The following DGKB variants were observed in gnomAD, a reference collection of about 807,000 sequenced individuals.
DGKB encodes the protein diacylglycerol kinase beta, also known as 90 kDa diacylglycerol kinase.
Under a neutral mutation model 114.3 loss-of-function variants are expected in DGKB, and 67 were observed. That is an observed-to-expected ratio of 0.59 (90% CI 0.48 to 0.72). The LOEUF (loss-of-function observed/expected upper bound fraction) is 0.72, where lower values mean the gene tolerates loss of function less well. DGKB is among the 30% of genes least tolerant of loss of function. DGKB has a pLI of 0.00. For synonymous variants in DGKB, 398 were observed against 323.1 expected, an observed-to-expected ratio of 1.23 and a Z score of -2.49; for missense variants, 907 against 975.2, an observed-to-expected ratio of 0.93 and a Z score of 0.93.
At chr7:14,435,644 G>A (rs553960780) in intron 21 of DGKB, among the ~76,000 whole-genome samples, 1 of 152,098 alleles carries the variant, frequency 6.6e-6, no homozygotes, top group South Asian at 2.1e-4. Flanking sequence ...TCAATGCCAT[G>A]TTATCTTTGA....
Position 14,695,326 on chromosome 7 carries a change from G to A in DGKB, c.592-1132C>T, listed in dbSNP as rs74632201. Among the ~76,000 whole-genome samples, 4 of 152,010 alleles carry A rather than the reference G, an allele frequency of 2.6e-5. No homozygotes were observed. In the East Asian group the frequency reaches 5.8e-4, roughly 22 times the overall value. ...CCTTTTTGTACCTAATAAATCTCAT[G>A]TTAAAGCCATCCTCTGACCGTGTCT... On this transcript the variant is annotated intron_variant, in intron 8 of 25. Transcript: ENST00000402815.
chr7:14,531,306 C>A (rs1791547310), intron 20 of DGKB, among the ~76,000 whole-genome samples: 1 of 151,230 alleles, frequency 6.6e-6, no homozygotes, highest in Admixed American at 6.6e-5. Context: ...TAGAATATTC[C>A]AATTTTAGAG....
chr7:14,839,252 T>C (rs927484271), intron 2 of DGKB, among the ~76,000 whole-genome samples: 3 of 152,062 alleles, frequency 2.0e-5, no homozygotes, highest in Middle Eastern at 3.2e-3. Context: ...TACTTAATGA[T>C]TGGATTACCA....
At chr7:14,580,816 G>C (rs745524762) in intron 19 of DGKB, 46 bp downstream of exon 19, 3 of 1,310,654 alleles carry the variant, frequency 2.3e-6, no homozygotes, top group Non-Finnish European at 3.2e-6. Context: ...GCAAGGGAAA[G>C]GGGTGTTGTG....
chr7:14,374,538 G>A (rs1436238229), intron 21 of DGKB, among the ~76,000 whole-genome samples: 2 of 151,930 alleles, frequency 1.3e-5, no homozygotes, highest in Non-Finnish European at 2.9e-5. Flanking sequence ...ACCAGCCCCC[G>A]CACACATTCT....
chr7:14,937,322 A>T (rs1785325380), intron 1 of DGKB, among the ~76,000 whole-genome samples: 1 of 152,042 alleles, frequency 6.6e-6, no homozygotes, highest in South Asian at 2.1e-4. Context: ...TCTCCTTTCA[A>T]AGAAAGGAGA....
At chr7:14,302,681 T>TTA (rs201112546) in intron 23 of DGKB, among the ~76,000 whole-genome samples, 1,868 of 152,248 alleles carry the variant, frequency 0.012, 38 homozygotes, top group African/African-American at 0.042. Context: ...CAGCCCCCTA[T>TTA]TAATTGTAGC....
Position 14,643,007 on chromosome 7 carries a change from C to T in DGKB, c.1135-12739G>A, listed in dbSNP as rs542343639. Among the ~76,000 whole-genome samples, 19 of 152,228 alleles carry T rather than the reference C, an allele frequency of 1.2e-4. 1 individual carries two copies. Among genetic ancestry groups the T allele is most frequent in the Admixed American group, 1.2e-3 (19 of 15,296 alleles). The stretch of plus-strand genomic sequence containing the variant: ...CCATCAAGATGGCTGACTAGAGGAA[C>T]CTAGCACTCATCTCTTAAACAAAGA... On this transcript the variant is annotated intron_variant, in intron 13 of 25. Transcript: ENST00000402815.
chr7:14,962,372 A>G (rs1490249915), intron 1 of DGKB, among the ~76,000 whole-genome samples: 1 of 152,188 alleles, frequency 6.6e-6, no homozygotes. Context: ...TAATAGCAAC[A>G]ACATAAGCAT....
intron 2 of DGKB, among the ~76,000 whole-genome samples, chr7:14,767,933 CA>C (rs1365058111): frequency 1.3e-5 from 2 of 151,836 alleles, no homozygotes; most frequent in Non-Finnish European, 2.9e-5. Context: ...TCTCTAGTCA[CA>C]ACACTAATAA....
chr7:14,407,129 A>G (rs2128737934), intron 21 of DGKB, among the ~76,000 whole-genome samples: 1 of 152,236 alleles, frequency 6.6e-6, no homozygotes, highest in Non-Finnish European at 1.5e-5. Context: ...GCAATGAGGC[A>G]TTCTAGTGCA....
chr7:14,521,232 T>C (rs910942501), intron 20 of DGKB, among the ~76,000 whole-genome samples: 2 of 152,130 alleles, frequency 1.3e-5, no homozygotes, highest in Non-Finnish European at 1.5e-5. Context: ...TGGAACAGAA[T>C]AGAGAGCCCA....
At chr7:14,452,293 C>A (rs191231419) in intron 21 of DGKB, among the ~76,000 whole-genome samples, 30 of 152,110 alleles carry the variant, frequency 2.0e-4, no homozygotes, top group African/African-American at 7.2e-4. Flanking sequence ...ATAGGTTTCT[C>A]AGAATGTAAA....
intron 2 of DGKB, among the ~76,000 whole-genome samples, chr7:14,786,725 G>T (rs1258596401): frequency 6.6e-6 from 1 of 152,222 alleles, no homozygotes; most frequent in Non-Finnish European, 1.5e-5. Flanking sequence ...CATGCACTTG[G>T]GGTGACACTG....
intron 1 of DGKB, among the ~76,000 whole-genome samples, chr7:14,847,604 G>A (rs1264810763): frequency 3.3e-5 from 5 of 152,182 alleles, no homozygotes; most frequent in African/African-American, 9.6e-5. Context: ...GATATGATAC[G>A]TGAGCTATTA....
chr7:14,529,185 G>A (rs12699637), intron 20 of DGKB, among the ~76,000 whole-genome samples: 49,937 of 151,742 alleles, frequency 0.33, 8,853 homozygotes, highest in Admixed American at 0.44. Context: ...TAGAAAAGGA[G>A]ATAATAAAGA....
chr7:14,426,704 C>G (rs1021507979), intron 21 of DGKB, among the ~76,000 whole-genome samples: 2 of 152,038 alleles, frequency 1.3e-5, no homozygotes, highest in Non-Finnish European at 2.9e-5. Flanking sequence ...GTGGGGCCTT[C>G]AATTTAAAAT....
At chr7:14,647,784 C>G (rs562821855) in intron 13 of DGKB, among the ~76,000 whole-genome samples, 1 of 152,266 alleles carries the variant, frequency 6.6e-6, no homozygotes, top group Admixed American at 6.5e-5. Flanking sequence ...TCAGTGGTCG[C>G]GCGCACCATG....
intron 1 of DGKB, among the ~76,000 whole-genome samples, chr7:14,866,820 G>A (rs555293318): frequency 6.6e-6 from 1 of 152,194 alleles, no homozygotes; most frequent in East Asian, 1.9e-4. Context: ...GTTTTTCAAA[G>A]TGACTACACC....
Sources: gnomAD v4.1 joint callset for allele counts (sites outside exome capture counted in the v4.1 genomes callset) on GRCh38, gnomAD v4.1.1 for gene constraint, MANE v1.5 for transcripts, NCBI Gene and HGNC (gene_info 2026-07-23, HGNC 2026-07-21) for gene names.